The following SNTG1 variants were observed in gnomAD, a reference collection of about 807,000 sequenced individuals.
SNTG1 encodes syntrophin gamma 1, also known as gamma-1-syntrophin.
In SNTG1, 39 loss-of-function variants were observed where a neutral mutation model predicts 74.7. The observed-to-expected ratio is 0.52, with a 90% CI of 0.40 to 0.68. The LOEUF is 0.68. Ranked by LOEUF, SNTG1 falls within the 30% of genes least tolerant of loss-of-function variation. The pLI, the probability that SNTG1 is intolerant of heterozygous loss-of-function variation, is 0.00. For missense variants in SNTG1, 685 were observed against 609.5 expected, an observed-to-expected ratio of 1.12 and a Z score of -1.30; for synonymous variants, 254 against 217.1, an observed-to-expected ratio of 1.17 and a Z score of -1.49.
At position 50,574,443 on chromosome 8, in the gene SNTG1, G is replaced by T. The variant is rs182803536; in HGVS notation, c.811-16436G>T. ...ATTATATTTTTACTTTAGAAATACA[G>T]TAAAGTGCAGAAAAACATTAAAGTG... On this transcript the variant is annotated intron_variant, in intron 12 of 18. Coordinates refer to ENST00000642720, the MANE Select transcript of SNTG1 (RefSeq NM_018967.5). Among the ~76,000 whole-genome samples the T allele has an allele frequency of 4.3e-3, 647 of 152,130 alleles. 9 individuals are homozygous for T. The highest frequency in any genetic ancestry group is 0.014 in the African/African-American group (586 of 41,536).
chr8:50,124,832 G>T lies in SNTG1; in HGVS notation c.-102-47729G>T, dbSNP rs1218570016. Among the ~76,000 whole-genome samples the T allele has an allele frequency of 1.6e-4, 22 of 141,248 alleles. 1 individual carries two copies. Among genetic ancestry groups the T allele is most frequent in the Non-Finnish European group, 1.4e-4 (9 of 63,566 alleles). 92.7% of individuals were successfully genotyped at this position (141,248 alleles called of 152,430 possible). A position where few individuals can be genotyped will look rare whatever the true frequency, so the allele number is the denominator to read the frequency against. Reference sequence around the variant, plus strand: ...GCTAAAATTCGAGTGTTAAGCAAAAGACAGTATGAGAGTGGGATTAAATAC... The same window carrying T: ...GCTAAAATTCGAGTGTTAAGCAAAATACAGTATGAGAGTGGGATTAAATAC... On this transcript the variant is annotated intron_variant, in intron 1 of 18. Transcript: ENST00000642720.
chr8:50,211,116 A>G (rs1474781316), intron 2 of SNTG1, among the ~76,000 whole-genome samples: 1 of 152,164 alleles, frequency 6.6e-6, no homozygotes, highest in African/African-American at 2.4e-5. Flanking sequence ...TAGTATAATC[A>G]TCCCAAAATA....
At chr8:50,442,969 C>T (rs768320452) in intron 5 of SNTG1, among the ~76,000 whole-genome samples, 2 of 152,162 alleles carry the variant, frequency 1.3e-5, no homozygotes, top group African/African-American at 4.8e-5. Flanking sequence ...CCAGCCCCAC[C>T]AACTCTTGTC....
intron 1 of SNTG1, among the ~76,000 whole-genome samples, chr8:49,932,407 T>C (rs1258439124): frequency 6.6e-6 from 1 of 152,114 alleles, no homozygotes; most frequent in Non-Finnish European, 1.5e-5. Context: ...TGAACACATA[T>C]AATATCTTCA....
chr8:49,920,158 G>C (rs969270280), intron 1 of SNTG1, among the ~76,000 whole-genome samples: 7 of 151,944 alleles, frequency 4.6e-5, no homozygotes, highest in Non-Finnish European at 1.0e-4. Context: ...AAATCTCCTT[G>C]AAGTTGGAAC....
chr8:50,102,525 T>C (rs1381054976), intron 1 of SNTG1, among the ~76,000 whole-genome samples: 1 of 145,008 alleles, frequency 6.9e-6, no homozygotes, highest in African/African-American at 2.6e-5. Flanking sequence ...TTCACTCTGA[T>C]GGTAGTTTCT....
intron 1 of SNTG1, among the ~76,000 whole-genome samples, chr8:50,127,409 C>A (rs1013852361): frequency 3.9e-5 from 6 of 152,172 alleles, no homozygotes; most frequent in African/African-American, 1.4e-4. Context: ...TCTTGAATGA[C>A]TTAAGCATTG....
chr8:49,997,062 C>G (rs1814291573), intron 1 of SNTG1, among the ~76,000 whole-genome samples: 2 of 152,148 alleles, frequency 1.3e-5, no homozygotes, highest in African/African-American at 4.8e-5. Flanking sequence ...GAGCTACTTA[C>G]TTACTTTGTC....
At chr8:50,735,922 C>T (rs1385281497) in intron 17 of SNTG1, among the ~76,000 whole-genome samples, 1 of 152,080 alleles carries the variant, frequency 6.6e-6, no homozygotes, top group East Asian at 1.9e-4. Flanking sequence ...CAGTGGATCT[C>T]TCTGCAGAAA....
At chr8:50,722,912 T>C (rs2095491257) in intron 17 of SNTG1, among the ~76,000 whole-genome samples, 1 of 152,202 alleles carries the variant, frequency 6.6e-6, no homozygotes, top group South Asian at 2.1e-4. Flanking sequence ...CAAACAAGTT[T>C]TAATAAATCA....
At chr8:50,238,716 G>T (rs1396086264) in intron 2 of SNTG1, among the ~76,000 whole-genome samples, 1 of 151,918 alleles carries the variant, frequency 6.6e-6, no homozygotes, top group Non-Finnish European at 1.5e-5. Context: ...CCTACAGAAC[G>T]GAAAAAACAT....
chr8:50,011,638 A>G (rs1391497572), intron 1 of SNTG1: 1 of 148,160 alleles, frequency 6.7e-6, no homozygotes, highest in Non-Finnish European at 1.5e-5. Flanking sequence ...AAAAAAAAAA[A>G]GATCTTTTGA....
At chr8:50,278,542 T>C (rs973308986) in intron 2 of SNTG1, among the ~76,000 whole-genome samples, 4 of 152,198 alleles carry the variant, frequency 2.6e-5, no homozygotes, top group Admixed American at 1.3e-4. Context: ...TATGGATTCA[T>C]AGTTAAATGT....
At chr8:50,115,712 T>C (rs879726347) in intron 1 of SNTG1, among the ~76,000 whole-genome samples, 2 of 152,000 alleles carry the variant, frequency 1.3e-5, no homozygotes, top group African/African-American at 4.8e-5. Context: ...TGTCTAGAAC[T>C]TTATTGTTTA....
rs566048545 is a variant in SNTG1 at position 50,526,330 on chromosome 8, A to G, written c.467-3847A>G. On this transcript the variant is annotated intron_variant, in intron 9 of 18. Transcript: ENST00000642720. ...TTCTTCCACTCTAGAGAGTGGCTGC[A>G]AGTTTGACACTTACTTCTGATCACA... Among the ~76,000 whole-genome samples the G allele has an allele frequency of 1.5e-3, 234 of 152,230 alleles. 1 individual carries two copies. The highest frequency in any genetic ancestry group is 5.4e-3 in the African/African-American group (225 of 41,514).
At chr8:50,427,715 CT>C (rs1303623775) in intron 4 of SNTG1, among the ~76,000 whole-genome samples, 1 of 152,236 alleles carries the variant, frequency 6.6e-6, no homozygotes, top group Non-Finnish European at 1.5e-5. Context: ...GCATGAGTCA[CT>C]GCACCCAGCC....
chr8:50,656,503 C>A (rs965084777), intron 13 of SNTG1, among the ~76,000 whole-genome samples: 1 of 152,110 alleles, frequency 6.6e-6, no homozygotes, highest in Non-Finnish European at 1.5e-5. Context: ...GCTTTCTTTA[C>A]TCACTTCAAC....
intron 1 of SNTG1, among the ~76,000 whole-genome samples, chr8:50,157,633 A>G (rs987356): frequency 0.28 from 42,056 of 151,982 alleles, 5,935 homozygotes; most frequent in Middle Eastern, 0.4. Context: ...GAGCTTGCAG[A>G]TAAGGTATTA....
chr8:50,339,970 A>C (rs1227456092), intron 2 of SNTG1, among the ~76,000 whole-genome samples: 2 of 151,986 alleles, frequency 1.3e-5, no homozygotes, highest in Non-Finnish European at 2.9e-5. Context: ...TAAAAGTAAC[A>C]AAAGAAACAC....
Sources: allele counts gnomAD v4.1 joint callset (sites outside exome capture counted in the v4.1 genomes callset), GRCh38; gene constraint gnomAD v4.1.1; transcripts MANE v1.5; gene names NCBI Gene and HGNC (gene_info 2026-07-23, HGNC 2026-07-21).